The following RO60 variants were observed in gnomAD, a reference collection of about 807,000 sequenced individuals.
The protein encoded by RO60 is Ro60, Y RNA binding protein, also known as RNA-binding protein RO60.
In RO60, 20 loss-of-function variants were observed where a neutral mutation model predicts 55.3. The observed-to-expected ratio is 0.36, with a 90% CI of 0.25 to 0.53. The LOEUF (loss-of-function observed/expected upper bound fraction) is 0.53. Ranked by LOEUF, RO60 falls within the 20% of genes least tolerant of loss-of-function variation. The pLI is 0.92. For missense variants in RO60, 558 were observed against 646.6 expected (o/e 0.86, Z 1.49); for synonymous variants, 213 against 213.6 (o/e 1.00, Z 0.02).
intron 1 of RO60, among the ~76,000 whole-genome samples, chr1:193,067,531 A>G (rs891698452): frequency 1.3e-5 from 2 of 151,752 alleles, no homozygotes; most frequent in East Asian, 1.9e-4. Flanking sequence ...AATTGTCTTC[A>G]TGTCTTACAC....
At position 193,081,638 on chromosome 1, in the gene RO60, CAG is replaced by C. The variant is rs979271564; in HGVS notation, c.1203+161_1203+162del. Among the ~76,000 whole-genome samples the C allele has an allele frequency of 2.3e-4, 35 of 151,874 alleles. No individual in the cohort carries two copies. The South Asian group carries it at 4.8e-3, about 21-fold the overall frequency. ...ATATTTAAAGATAATTGTGTAAAGCCAGAGTGTTAAGTGTGTTGAAAAAGTAT... is the reference window on the plus strand; with the variant it reads ...ATATTTAAAGATAATTGTGTAAAGCCAGTGTTAAGTGTGTTGAAAAAGTAT... On this transcript the variant is annotated intron_variant, in intron 6 of 8. Transcript: ENST00000400968.
rs1306877119 is a variant in RO60, at chr1:193,069,318, G to A, written c.264G>A (p.Lys88=). 3.7e-6 allele frequency: 6 copies of A among 1,614,232 alleles called. No individual in the cohort carries two copies. The highest frequency in any genetic ancestry group is 5.1e-6 in the Non-Finnish European group (6 of 1,180,042). ...TTAGTCAAGAAGGCAGAACCACAAAGCAAGAGCCTATGCTCTTTGCACTTG... is the reference window on the plus strand; with the variant it reads ...TTAGTCAAGAAGGCAGAACCACAAAACAAGAGCCTATGCTCTTTGCACTTG... ...KSFSQEGRTT[K]QEPMLFALAI... The change falls in exon 2 of 9, where the codon AAG becomes AAA. Residue 88 remains lysine (K), a synonymous_variant. Transcript: ENST00000400968.
chr1:193,076,259 T>C (rs1407391672), intron 3 of RO60, among the ~76,000 whole-genome samples: 1 of 152,090 alleles, frequency 6.6e-6, no homozygotes, highest in Non-Finnish European at 1.5e-5. Flanking sequence ...ACTGCCTTGC[T>C]AATTAAAAAA....
At chr1:193,076,699 C>T (rs779881744) in intron 4 of RO60, 52 bp downstream of exon 4, 28 of 1,513,374 alleles carry the variant, frequency 1.9e-5, no homozygotes, top group Middle Eastern at 2.4e-4. Context: ...GAAAGTGGCT[C>T]CTAAATTTTA....
intron 2 of RO60, 123 bp from the exon 3 acceptor site, chr1:193,075,697 G>T (rs1285331288): frequency 1.5e-6 from 1 of 657,336 alleles, no homozygotes; most frequent in East Asian, 2.8e-5. Context: ...CAGCATCCCA[G>T]TGTAAGGGCA....
chr1:193,084,495 A>T, intron 8 of RO60, 84 bp from the exon 9 acceptor site: 1 of 1,405,754 alleles, frequency 7.1e-7, no homozygotes, highest in Admixed American at 2.9e-5. Flanking sequence ...CTGGTAGAGA[A>T]ATGTTAAAGT....
At chr1:193,073,136 G>A (rs549219900) in intron 2 of RO60, among the ~76,000 whole-genome samples, 10 of 152,284 alleles carry the variant, frequency 6.6e-5, no homozygotes, top group Admixed American at 4.6e-4. Context: ...TTACAGAACC[G>A]GGTAGGATAA....
intron 1 of RO60, among the ~76,000 whole-genome samples, chr1:193,068,468 G>A (rs1244767260): frequency 6.6e-6 from 1 of 152,240 alleles, no homozygotes; most frequent in East Asian, 1.9e-4. Flanking sequence ...GCCAAGAAGA[G>A]GAGAAGAGAG....
chr1:193,091,653 T>G (rs1465333058), downstream of RO60: 1 of 1,611,394 alleles, frequency 6.2e-7, no homozygotes, highest in Non-Finnish European at 8.5e-7. Context: ...CTTTCTAGCC[T>G]TGCAAAATAC....
intron 1 of RO60, chr1:193,060,059 C>T: frequency 7.5e-7 from 1 of 1,326,232 alleles, no homozygotes; most frequent in Non-Finnish European, 1.0e-6. Flanking sequence ...TCGCTCCCCA[C>T]AGGCCGACGT....
Position 193,091,098 on chromosome 1 carries a change from G to A in RO60, c.*6367G>A, listed in dbSNP as rs1009918554. On this transcript the variant is annotated 3_prime_UTR_variant, in exon 9 of 9. Coordinates refer to ENST00000400968, the MANE Select transcript of RO60 (RefSeq NM_001173524.2). The stretch of plus-strand genomic sequence containing the variant: ...TGGACTTTGTAACATGATATCCAAG[G>A]ACCAAGTTGCATATTTAACATCGAA... The A allele has an allele frequency of 2.6e-5, 4 of 152,174 alleles. No homozygotes were observed. The highest frequency in any genetic ancestry group is 4.4e-5 in the Non-Finnish European group (3 of 68,058). 9.4% of individuals were successfully genotyped at this position (152,174 alleles called of 1,614,324 possible).
intron 8 of RO60, 104 bp downstream of exon 8, chr1:193,082,812 T>G: frequency 1.0e-6 from 1 of 959,616 alleles, no homozygotes; most frequent in Non-Finnish European, 1.5e-6. Context: ...TTGCCCTGGC[T>G]GGAGTGCAGT....
intron 8 of RO60, among the ~76,000 whole-genome samples, chr1:193,084,026 A>T (rs1262907764): frequency 6.6e-6 from 1 of 152,216 alleles, no homozygotes; most frequent in Non-Finnish European, 1.5e-5. Flanking sequence ...GTTACGGTAG[A>T]TGTATTATTT....
At chr1:193,063,284 C>T (rs1672904037) in intron 1 of RO60, among the ~76,000 whole-genome samples, 1 of 152,150 alleles carries the variant, frequency 6.6e-6, no homozygotes, top group African/African-American at 2.4e-5. Context: ...TGATGTTCGT[C>T]ATCTTTTTAT....
chr1:193,084,623 A>G lies in RO60; in HGVS notation c.1509A>G (p.Ser503=). The G allele has an allele frequency of 6.2e-7, 1 of 1,613,822 alleles. No homozygotes were observed. Among genetic ancestry groups the G allele is most frequent in the East Asian group, 2.2e-5 (1 of 44,868 alleles). Residue 503 remains serine (S), a synonymous_variant, in exon 9 of 9, where the codon TCA becomes TCG. Coordinates refer to ENST00000400968, the MANE Select transcript of RO60 (RefSeq NM_001173524.2). ...PAKLIVCGMT[S]NGFTIADPDD... ...AATTGATTGTTTGTGGAATGACATC[A>G]AATGGTTTCACCATTGCAGACCCAG...
In RO60 at chr1:193,085,719, A is replaced by G; in HGVS notation, c.*988A>G. On this transcript the variant is annotated 3_prime_UTR_variant, in exon 9 of 9. Transcript: ENST00000400968. ...TTTTTTAGTTAATATTTTTAAAAGT[A>G]TACATGTCAATGGCCTCTTTGTCCA... 1.2e-5 allele frequency: 12 copies of G among 982,870 alleles called. No homozygotes were observed. Among genetic ancestry groups the G allele is most frequent in the Non-Finnish European group, 1.4e-5 (12 of 827,670 alleles). 60.9% of individuals were successfully genotyped at this position (982,870 alleles called of 1,614,324 possible).
At position 193,069,380 on chromosome 1, in the gene RO60, A is replaced by G. The variant is rs750424426; in HGVS notation, c.326A>G (p.Gln109Arg). The G allele has an allele frequency of 5.6e-6, 9 of 1,614,118 alleles. No homozygotes were observed. In the South Asian group the frequency reaches 9.9e-5, roughly 18 times the overall value. ...CAGTGCTCCGACATAAGCACAAAACAAGCAGCATTTAAAGCTGTTTCTGAA... is the reference window on the plus strand; with the variant it reads ...CAGTGCTCCGACATAAGCACAAAACGAGCAGCATTTAAAGCTGTTTCTGAA... Reference protein sequence around the residue: ...CSQCSDISTKQAAFKAVSEVC... With the variant: ...CSQCSDISTKRAAFKAVSEVC... Residue 109 changes from glutamine to arginine, a missense_variant, in exon 2 of 9, where the codon CAA becomes CGA. Transcript: ENST00000400968.
In RO60 at chr1:193,085,791, T is replaced by C; in HGVS notation, c.*1060T>C. The C allele has an allele frequency of 1.0e-6, 1 of 985,100 alleles. No individual in the cohort carries two copies. The highest frequency in any genetic ancestry group is 4.7e-5 in the South Asian group (1 of 21,282). 61.0% of individuals were successfully genotyped at this position (985,100 alleles called of 1,614,324 possible). ...ATTCTTCTTTGATAGTGTAAACAAA[T>C]AATAAAGCAATCTAGGTCCTTTAGG... On this transcript the variant is annotated 3_prime_UTR_variant, in exon 9 of 9. Coordinates refer to ENST00000400968, the MANE Select transcript of RO60 (RefSeq NM_001173524.2).
chr1:193,070,838 A>G (rs1391450530), intron 2 of RO60, among the ~76,000 whole-genome samples: 2 of 152,220 alleles, frequency 1.3e-5, no homozygotes, highest in Admixed American at 6.5e-5. Flanking sequence ...ATGAAATGTA[A>G]ATAATAAATT....
Sources: allele counts gnomAD v4.1 joint callset (sites outside exome capture counted in the v4.1 genomes callset), GRCh38; gene constraint gnomAD v4.1.1; transcripts MANE v1.5; gene names NCBI Gene and HGNC (gene_info 2026-07-23, HGNC 2026-07-21).